EPHB2: variants seen among roughly 807,000 people sequenced by gnomAD.
EPHB2 encodes ephrin type-B receptor 2.
In EPHB2, 18 loss-of-function variants were observed where a neutral mutation model predicts 96.4. The observed-to-expected ratio is 0.19, with a 90% CI of 0.13 to 0.28. EPHB2 has a LOEUF of 0.28. EPHB2 is among the 10% of genes least tolerant of loss of function. The pLI is 1.00. For synonymous variants in EPHB2, 506 were observed against 534.1 expected, an observed-to-expected ratio of 0.95 and a Z score of 0.72; for missense variants, 989 against 1,355.4, an observed-to-expected ratio of 0.73 and a Z score of 4.25.
intron 12 of EPHB2, 95 bp from the exon 13 acceptor site, chr1:22,908,899 TTTGGGGCACAATGAGGTGCCTCATGAGA>T: frequency 6.8e-7 from 1 of 1,470,818 alleles, no homozygotes; most frequent in Non-Finnish European, 9.3e-7. Flanking sequence ...GCATGGTAAG[TTTGGGGCACAATGAGGTGCCTCATGAGA>T]TTGGGGCATC....
At position 22,781,413 on chromosome 1, in the gene EPHB2, C is replaced by A; in HGVS notation, c.62-8C>A. On this transcript the variant is annotated splice_region_variant and splice_polypyrimidine_tract_variant and intron_variant, in intron 1 of 15. Transcript: ENST00000374630. Reference sequence around the variant, plus strand: ...GGGCGGGGTGGTGACTCTTTGCTCTCCCCACAGAAACGCTAATGGACTCCA... The same window carrying A: ...GGGCGGGGTGGTGACTCTTTGCTCTACCCACAGAAACGCTAATGGACTCCA... 1 of 1,613,938 alleles carries A rather than the reference C, an allele frequency of 6.2e-7. No individual in the cohort carries two copies. The highest frequency in any genetic ancestry group is 8.5e-7 in the Non-Finnish European group (1 of 1,179,944).
intron 9 of EPHB2, among the ~76,000 whole-genome samples, chr1:22,902,581 A>C (rs1639784596): frequency 6.6e-6 from 1 of 152,226 alleles, no homozygotes; most frequent in Admixed American, 6.5e-5. Context: ...CATTCAAGAC[A>C]CGTAGTAATG....
intron 1 of EPHB2, among the ~76,000 whole-genome samples, chr1:22,771,364 G>A (rs1026513300): frequency 2.6e-5 from 4 of 152,224 alleles, no homozygotes; most frequent in Non-Finnish European, 4.4e-5. Context: ...GAACATGTCT[G>A]AGTGTCCTAG....
chr1:22,740,016 C>T (rs183971795), intron 1 of EPHB2, among the ~76,000 whole-genome samples: 9 of 152,266 alleles, frequency 5.9e-5, no homozygotes, highest in East Asian at 1.9e-4. Flanking sequence ...AGAAACCAGG[C>T]GCTGAGGCAG....
At chr1:22,793,201 G>A (rs182972255) in intron 3 of EPHB2, among the ~76,000 whole-genome samples, 1 of 152,284 alleles carries the variant, frequency 6.6e-6, no homozygotes, top group Admixed American at 6.5e-5. Context: ...GACAATTTGG[G>A]CTTCAGAACA....
At chr1:22,843,952 C>A (rs1645505025) in intron 3 of EPHB2, among the ~76,000 whole-genome samples, 1 of 152,244 alleles carries the variant, frequency 6.6e-6, no homozygotes, top group Non-Finnish European at 1.5e-5. Context: ...AGGATAATGG[C>A]CTCCAGCTCC....
chr1:22,795,807 G>A (rs1231950351), intron 3 of EPHB2, among the ~76,000 whole-genome samples: 2 of 152,136 alleles, frequency 1.3e-5, no homozygotes, highest in African/African-American at 4.8e-5. Flanking sequence ...TCCTAGACCT[G>A]GCTCTTTCTG....
intron 3 of EPHB2, among the ~76,000 whole-genome samples, chr1:22,805,506 A>T (rs903178935): frequency 3.3e-5 from 5 of 151,700 alleles, no homozygotes; most frequent in African/African-American, 1.2e-4. Context: ...CTGCCTGAGG[A>T]CTCTGGCACA....
At chr1:22,794,512 G>T (rs1644740487) in intron 3 of EPHB2, among the ~76,000 whole-genome samples, 1 of 152,132 alleles carries the variant, frequency 6.6e-6, no homozygotes, top group Non-Finnish European at 1.5e-5. Context: ...CCTCTCATCA[G>T]ACTAGGAAAC....
At chr1:22,777,678 T>C (rs1644471529) in intron 1 of EPHB2, among the ~76,000 whole-genome samples, 2 of 152,210 alleles carry the variant, frequency 1.3e-5, no homozygotes, top group Admixed American at 1.3e-4. Context: ...CCATGGAGGC[T>C]GTAGCCACGG....
chr1:22,884,519 C>T (rs1639160453), intron 6 of EPHB2, among the ~76,000 whole-genome samples: 2 of 150,296 alleles, frequency 1.3e-5, no homozygotes, highest in African/African-American at 4.9e-5. Context: ...ACTCAGGAAG[C>T]TGAAGCAGGA....
At chr1:22,877,377 C>T (rs868442886) in intron 5 of EPHB2, among the ~76,000 whole-genome samples, 4 of 152,210 alleles carry the variant, frequency 2.6e-5, no homozygotes, top group Admixed American at 6.5e-5. Context: ...GTTAGCTGCG[C>T]GGCCTTTCCC....
intron 3 of EPHB2, among the ~76,000 whole-genome samples, chr1:22,838,046 G>A (rs903719737): frequency 1.3e-5 from 2 of 152,188 alleles, no homozygotes; most frequent in South Asian, 2.1e-4. Context: ...AGGTGGCCAC[G>A]AGGAAAGAGA....
At chr1:22,778,756 G>T (rs1178034027) in intron 1 of EPHB2, among the ~76,000 whole-genome samples, 1 of 152,236 alleles carries the variant, frequency 6.6e-6, no homozygotes, top group Non-Finnish European at 1.5e-5. Context: ...AGAGGTAGAA[G>T]ACACAGGGGG....
intron 5 of EPHB2, among the ~76,000 whole-genome samples, chr1:22,865,600 G>A (rs544999850): frequency 2.6e-5 from 4 of 152,128 alleles, no homozygotes; most frequent in Non-Finnish European, 5.9e-5. Flanking sequence ...ATTTCCCCAC[G>A]TCCCCTGCTC....
intron 3 of EPHB2, among the ~76,000 whole-genome samples, chr1:22,859,663 C>A (rs888654592): frequency 1.3e-5 from 2 of 151,904 alleles, no homozygotes; most frequent in Non-Finnish European, 2.9e-5. Context: ...CATGGTGGCA[C>A]GCGCCTGTAG....
intron 1 of EPHB2, among the ~76,000 whole-genome samples, chr1:22,773,242 C>T (rs910874165): frequency 6.6e-6 from 1 of 152,214 alleles, no homozygotes; most frequent in Non-Finnish European, 1.5e-5. Context: ...CTCTTCCAAG[C>T]TTGTCAGTGT....
At chr1:22,756,557 G>A (rs1644154131) in intron 1 of EPHB2, among the ~76,000 whole-genome samples, 1 of 152,166 alleles carries the variant, frequency 6.6e-6, no homozygotes. Context: ...CTGGCCGCCT[G>A]CAGATTTATG....
At chr1:22,854,093 C>G (rs559555923) in intron 3 of EPHB2, among the ~76,000 whole-genome samples, 55 of 152,290 alleles carry the variant, frequency 3.6e-4, no homozygotes, top group Non-Finnish European at 6.8e-4. Flanking sequence ...ACTTGCTGGA[C>G]TTAAGCTGTC....
Sources: gnomAD v4.1 joint callset for allele counts (sites outside exome capture counted in the v4.1 genomes callset) on GRCh38, gnomAD v4.1.1 for gene constraint, MANE v1.5 for transcripts, NCBI Gene and HGNC (gene_info 2026-07-23, HGNC 2026-07-21) for gene names.